The following ZDHHC17 variants were observed in gnomAD, a reference collection of about 807,000 sequenced individuals.
ZDHHC17 encodes zDHHC palmitoyltransferase 17.
In ZDHHC17, 40 loss-of-function variants were observed where a neutral mutation model predicts 90.3. The observed-to-expected ratio is 0.44, with a 90% CI of 0.34 to 0.58. The LOEUF (loss-of-function observed/expected upper bound fraction) is 0.58. Among genes scored for constraint, ZDHHC17 ranks in the 20% least tolerant of loss-of-function variants. ZDHHC17 has a pLI of 0.01. For missense variants in ZDHHC17, 614 were observed against 780.8 expected (o/e 0.79, Z 2.55); for synonymous variants, 235 against 252.4 (o/e 0.93, Z 0.65).
Position 76,842,125 on chromosome 12 carries a change from A to C in ZDHHC17, c.1266+19A>C. On this transcript the variant is annotated intron_variant, in intron 11 of 16. Coordinates refer to ENST00000426126, the MANE Select transcript of ZDHHC17 (RefSeq NM_015336.4). ...GAAAAAGGTAGCAAAATACCAACTA[A>C]GTCACTTGTATTTAACTGCCAGATT... 1 of 1,541,544 alleles carries C rather than the reference A, an allele frequency of 6.5e-7. No homozygotes were observed. The highest frequency in any genetic ancestry group is 8.7e-7 in the Non-Finnish European group (1 of 1,146,834).
chr12:76,816,678 T>A (rs1953091445), intron 7 of ZDHHC17, among the ~76,000 whole-genome samples: 1 of 151,988 alleles, frequency 6.6e-6, no homozygotes, highest in South Asian at 2.1e-4. Flanking sequence ...AAAAAGTAGG[T>A]TATCTCCTGC....
At position 76,853,689 on chromosome 12, in the gene ZDHHC17, ACT is replaced by A. The variant is rs1953590337; in HGVS notation, c.*2707_*2708del. 1 of 152,326 alleles carries A rather than the reference ACT, an allele frequency of 6.6e-6. No homozygotes were observed. The highest frequency in any genetic ancestry group is 2.4e-5 in the African/African-American group (1 of 41,382). 9.4% of individuals were successfully genotyped at this position (152,326 alleles called of 1,614,324 possible). A position where few individuals can be genotyped will look rare whatever the true frequency, so the allele number is the denominator to read the frequency against. ...AAAATATTAATCAGAATAAATACTG[ACT>A]CTTAAGTGTGTGCTTATGATTTCAC... is the stretch of plus-strand genomic sequence containing the variant. On this transcript the variant is annotated 3_prime_UTR_variant, in exon 17 of 17. Coordinates refer to ENST00000426126, the MANE Select transcript of ZDHHC17 (RefSeq NM_015336.4).
At chr12:76,829,403 G>A (rs532901951) in intron 10 of ZDHHC17, among the ~76,000 whole-genome samples, 1 of 137,376 alleles carries the variant, frequency 7.3e-6, no homozygotes, top group East Asian at 2.3e-4. Context: ...GTTGCAGTGA[G>A]CTGAGATGCA....
intron 10 of ZDHHC17, among the ~76,000 whole-genome samples, chr12:76,838,135 G>A (rs972019487): frequency 2.6e-5 from 4 of 151,750 alleles, no homozygotes; most frequent in African/African-American, 9.7e-5. Flanking sequence ...ATTGTTTTAT[G>A]ATCTTATGTT....
intron 10 of ZDHHC17, among the ~76,000 whole-genome samples, chr12:76,828,924 A>G (rs1464181964): frequency 6.6e-6 from 1 of 152,164 alleles, no homozygotes; most frequent in Non-Finnish European, 1.5e-5. Flanking sequence ...GGACACAGAC[A>G]CAGACAGACA....
At position 76,768,376 on chromosome 12, in the gene ZDHHC17, T is replaced by C. The variant is rs117879630; in HGVS notation, c.93+4047T>C. Among the ~76,000 whole-genome samples the C allele has an allele frequency of 6.1e-3, 936 of 152,328 alleles. 6 individuals carry two copies. The highest frequency in any genetic ancestry group is 0.011 in the Non-Finnish European group (717 of 68,026). On this transcript the variant is annotated intron_variant, in intron 1 of 16. Transcript: ENST00000426126. ...GATGACCTCTAAGATTTCTTCAGACTCAAGTGTTCTGGTTTTAAATTGTGA... is the reference window on the plus strand; with the variant it reads ...GATGACCTCTAAGATTTCTTCAGACCCAAGTGTTCTGGTTTTAAATTGTGA...
rs1444415748 is a variant in ZDHHC17 at position 76,764,141 on chromosome 12, A to T, written c.-96A>T. 2.1e-6 allele frequency: 2 copies of T among 938,086 alleles called. No individual in the cohort carries two copies. The highest frequency in any genetic ancestry group is 3.2e-6 in the Non-Finnish European group (2 of 631,268). 58.1% of individuals were successfully genotyped at this position (938,086 alleles called of 1,614,324 possible). ...TCACGGGGGCAGGAGAAGAAGGAGG[A>T]GGAGGCCCGCGTCGCCTCCGGCGGG... On this transcript the variant is annotated 5_prime_UTR_variant, in exon 1 of 17. Transcript: ENST00000426126.
rs55982009 is a variant in ZDHHC17 at position 76,836,447 on chromosome 12, G to T, written c.1142-5535G>T. On this transcript the variant is annotated intron_variant, in intron 10 of 16. Coordinates refer to ENST00000426126, the MANE Select transcript of ZDHHC17 (RefSeq NM_015336.4). ...CTGCTGTGCCCCCCTCTCATTCCTG[G>T]TATTAATTAGAGCTATTTTCTAATC... Among the ~76,000 whole-genome samples the T allele has an allele frequency of 6.9e-3, 1,041 of 151,204 alleles. 18 individuals are homozygous for T. Among genetic ancestry groups the T allele is most frequent in the African/African-American group, 0.025 (1,009 of 41,176 alleles).
intron 10 of ZDHHC17, among the ~76,000 whole-genome samples, chr12:76,841,761 CTT>C (rs927987113): frequency 2.6e-5 from 4 of 151,926 alleles, no homozygotes; most frequent in African/African-American, 9.7e-5. Flanking sequence ...TTTTCATTGA[CTT>C]TTTAATATAT....
At chr12:76,799,861 A>AT (rs1431013893) in intron 2 of ZDHHC17, among the ~76,000 whole-genome samples, 6 of 152,022 alleles carry the variant, frequency 3.9e-5, no homozygotes, top group Non-Finnish European at 2.9e-5. Flanking sequence ...TGGATTTTGG[A>AT]TTTTTTTGGA....
chr12:76,802,450 A>C (rs1431475473), intron 2 of ZDHHC17, among the ~76,000 whole-genome samples: 1 of 152,054 alleles, frequency 6.6e-6, no homozygotes, highest in Non-Finnish European at 1.5e-5. Context: ...TTTTACGTTG[A>C]CTTCATTGAT....
Position 76,806,710 on chromosome 12 carries a change from G to A in ZDHHC17, c.320+1271G>A, listed in dbSNP as rs896334883. Among the ~76,000 whole-genome samples the A allele has an allele frequency of 5.3e-5, 8 of 151,916 alleles. No individual in the cohort carries two copies. The South Asian group carries it at 1.5e-3, about 28-fold the overall frequency. On this transcript the variant is annotated intron_variant, in intron 3 of 16. Coordinates refer to ENST00000426126, the MANE Select transcript of ZDHHC17 (RefSeq NM_015336.4). ...GTATTTTTGGTAGAGACAGGGTTTC[G>A]CCGTGTTTCCCAGGCTGGTCTCAAA...
chr12:76,831,541 G>A (rs1001467854), intron 10 of ZDHHC17, among the ~76,000 whole-genome samples: 4 of 151,984 alleles, frequency 2.6e-5, no homozygotes, highest in Admixed American at 6.6e-5. Flanking sequence ...TAGTAGAGAC[G>A]GGGTTTCACT....
intron 12 of ZDHHC17, 25 bp downstream of exon 12, chr12:76,843,006 C>G (rs1318091779): frequency 1.3e-6 from 2 of 1,588,930 alleles, no homozygotes; most frequent in Non-Finnish European, 1.7e-6. Context: ...TTTGTTCTTC[C>G]CTCCCTTCTC....
In ZDHHC17 at chr12:76,852,219, T is replaced by A. The variant is rs1489186824; in HGVS notation, c.*1234T>A. Reference sequence around the variant, plus strand: ...GCTTCCATAAATATTGTTTACAGGGTGAGATTTGGTTTATTCATCTTAAGT... The same window carrying A: ...GCTTCCATAAATATTGTTTACAGGGAGAGATTTGGTTTATTCATCTTAAGT... On this transcript the variant is annotated 3_prime_UTR_variant, in exon 17 of 17. Coordinates refer to ENST00000426126, the MANE Select transcript of ZDHHC17 (RefSeq NM_015336.4). 2.0e-5 allele frequency: 3 copies of A among 152,622 alleles called. No individual in the cohort carries two copies. The allele number at this position is 152,622 out of a possible 1,614,324, so 9.5% of individuals were successfully genotyped here.
At chr12:76,832,514 A>G (rs529309947) in intron 10 of ZDHHC17, among the ~76,000 whole-genome samples, 9 of 152,374 alleles carry the variant, frequency 5.9e-5, no homozygotes, top group Admixed American at 4.6e-4. Flanking sequence ...GGCTCTGGTC[A>G]CAACAGTATT....
chr12:76,832,690 C>T (rs1261585854), intron 10 of ZDHHC17, among the ~76,000 whole-genome samples: 1 of 152,218 alleles, frequency 6.6e-6, no homozygotes, highest in Non-Finnish European at 1.5e-5. Context: ...CTGTAAAGCA[C>T]ATCACAGCCT....
In ZDHHC17 at chr12:76,764,151, C is replaced by T. The variant is rs1169189860; in HGVS notation, c.-86C>T. ...AGGAGAAGAAGGAGGAGGAGGCCCG[C>T]GTCGCCTCCGGCGGGGCTCGCGCTC... On this transcript the variant is annotated 5_prime_UTR_variant, in exon 1 of 17. Transcript: ENST00000426126. 2 of 1,069,784 alleles carry T rather than the reference C, an allele frequency of 1.9e-6. No individual in the cohort carries two copies. The highest frequency in any genetic ancestry group is 2.7e-6 in the Non-Finnish European group (2 of 748,538). 66.3% of individuals were successfully genotyped at this position (1,069,784 alleles called of 1,614,324 possible). A position where few individuals can be genotyped will look rare whatever the true frequency, so the allele number is the denominator to read the frequency against.
At chr12:76,785,421 A>G (rs1952673259) in intron 1 of ZDHHC17, among the ~76,000 whole-genome samples, 1 of 152,144 alleles carries the variant, frequency 6.6e-6, no homozygotes, top group Non-Finnish European at 1.5e-5. Flanking sequence ...ATCCCAGTAA[A>G]CTCATTAGTC....
Sources: gnomAD v4.1 joint callset for allele counts (sites outside exome capture counted in the v4.1 genomes callset) on GRCh38, gnomAD v4.1.1 for gene constraint, MANE v1.5 for transcripts, NCBI Gene and HGNC (gene_info 2026-07-23, HGNC 2026-07-21) for gene names.